Variants in LRCH1 observed in about 807,000 individuals in gnomAD.
LRCH1 encodes the protein leucine-rich repeat and calponin homology domain-containing protein 1.
A neutral mutation model predicts 94.9 loss-of-function variants in LRCH1; 23 were observed. That is an observed-to-expected ratio of 0.24 (90% CI 0.17 to 0.34). The LOEUF (loss-of-function observed/expected upper bound fraction) is 0.34, where lower values mean the gene tolerates loss of function less well. LRCH1 is among the 10% of genes least tolerant of loss of function. LRCH1 has a pLI of 1.00. For synonymous variants in LRCH1, 364 were observed against 354.9 expected (o/e 1.03, Z -0.29); for missense variants, 790 against 945.9 (o/e 0.84, Z 2.16).
intron 1 of LRCH1, among the ~76,000 whole-genome samples, chr13:46,637,070 T>C (rs1445774298): frequency 6.6e-6 from 1 of 152,246 alleles, no homozygotes; most frequent in Non-Finnish European, 1.5e-5. Context: ...ATATCTGCCA[T>C]AGGCTTCCAC....
intron 1 of LRCH1, among the ~76,000 whole-genome samples, chr13:46,606,843 C>T (rs1200730314): frequency 6.6e-6 from 1 of 152,154 alleles, no homozygotes; most frequent in Non-Finnish European, 1.5e-5. Context: ...GCTAGGATTA[C>T]AGGTGTGAGC....
Position 46,743,987 on chromosome 13 carries a change from G to A in LRCH1, c.*2139G>A, listed in dbSNP as rs1272358752. The A allele has an allele frequency of 1.0e-6, 1 of 985,272 alleles. No homozygotes were observed. Among genetic ancestry groups the A allele is most frequent in the Non-Finnish European group, 1.2e-6 (1 of 829,920 alleles). The allele number at this position is 985,272 out of a possible 1,614,324, so 61.0% of individuals were successfully genotyped here. A position where few individuals can be genotyped will look rare whatever the true frequency, so the allele number is the denominator to read the frequency against. On this transcript the variant is annotated 3_prime_UTR_variant, in exon 20 of 20. Coordinates refer to ENST00000389797, the MANE Select transcript of LRCH1 (RefSeq NM_001164211.2). ...CTGCACTTCTTGGGATTTATTGGAT[G>A]ATGTTTTTTCATTAGTAGTATGGTA...
At chr13:46,629,577 T>G (rs1365643140) in intron 1 of LRCH1, among the ~76,000 whole-genome samples, 1 of 152,140 alleles carries the variant, frequency 6.6e-6, no homozygotes, top group Non-Finnish European at 1.5e-5. Context: ...TGATGGGTGC[T>G]CAGTGGAACT....
Position 46,743,718 on chromosome 13 carries a change from T to A in LRCH1, c.*1870T>A. ...CCACTGTGGTGGTTTTTCCCTTCTT[T>A]CTGGGGAGAAAATGGGAAAAAAAAA... On this transcript the variant is annotated 3_prime_UTR_variant, in exon 20 of 20. Coordinates refer to ENST00000389797, the MANE Select transcript of LRCH1 (RefSeq NM_001164211.2). The A allele has an allele frequency of 2.1e-6, 2 of 948,572 alleles. No homozygotes were observed. The highest frequency in any genetic ancestry group is 2.5e-6 in the Non-Finnish European group (2 of 815,332). The allele number at this position is 948,572 out of a possible 1,614,324, so 58.8% of individuals were successfully genotyped here.
chr13:46,601,780 G>C (rs1295180785), intron 1 of LRCH1, among the ~76,000 whole-genome samples: 1 of 152,150 alleles, frequency 6.6e-6, no homozygotes, highest in African/African-American at 2.4e-5. Context: ...TTTTTCGTAG[G>C]GGGTTATGGA....
intron 1 of LRCH1, among the ~76,000 whole-genome samples, chr13:46,602,969 T>TGC (rs10655428): frequency 1.5e-3 from 209 of 140,138 alleles, no homozygotes; most frequent in African/African-American, 4.2e-3. Flanking sequence ...CATGCATACA[T>TGC]ACATGCATGC....
chr13:46,599,425 A>G (rs938407333), intron 1 of LRCH1, among the ~76,000 whole-genome samples: 8 of 152,124 alleles, frequency 5.3e-5, no homozygotes, highest in Non-Finnish European at 1.2e-4. Flanking sequence ...GATCTGCCAT[A>G]ATGTTTTCCA....
intron 1 of LRCH1, among the ~76,000 whole-genome samples, chr13:46,589,527 A>G (rs995346246): frequency 6.7e-6 from 1 of 149,984 alleles, no homozygotes; most frequent in Non-Finnish European, 1.5e-5. Context: ...GTGCTCATGC[A>G]TTGCAATTCA....
At chr13:46,730,161 C>T (rs1873028378) in intron 18 of LRCH1, among the ~76,000 whole-genome samples, 1 of 152,084 alleles carries the variant, frequency 6.6e-6, no homozygotes, top group South Asian at 2.1e-4. Flanking sequence ...TTAGGAGAGG[C>T]AGAAGAATTT....
intron 1 of LRCH1, among the ~76,000 whole-genome samples, chr13:46,573,977 C>T (rs2050273519): frequency 6.7e-6 from 1 of 149,580 alleles, no homozygotes; most frequent in African/African-American, 2.5e-5. Context: ...TCCCAAGTAG[C>T]TGGGATTACA....
At chr13:46,563,717 A>G (rs1443179797) in intron 1 of LRCH1, among the ~76,000 whole-genome samples, 2 of 152,198 alleles carry the variant, frequency 1.3e-5, no homozygotes, top group Non-Finnish European at 1.5e-5. Context: ...ACTCCAAGCA[A>G]TGCCTTTCTA....
At chr13:46,573,866 A>ATATATATATATATATATATATTTATTT in intron 1 of LRCH1, among the ~76,000 whole-genome samples, 2 of 63,420 alleles carry the variant, frequency 3.2e-5, no homozygotes, top group African/African-American at 1.0e-4. Context: ...ATATATATAT[A>ATATATATATATATATATATATTTATTT]TTTTTTTTTT....
intron 1 of LRCH1, among the ~76,000 whole-genome samples, chr13:46,587,992 A>G (rs2050453850): frequency 6.6e-6 from 1 of 152,218 alleles, no homozygotes; most frequent in Admixed American, 6.5e-5. Context: ...TTATGGGAAT[A>G]TTTAAATATA....
intron 1 of LRCH1, among the ~76,000 whole-genome samples, chr13:46,561,690 C>T (rs1460295543): frequency 6.6e-6 from 1 of 152,198 alleles, no homozygotes; most frequent in East Asian, 1.9e-4. Flanking sequence ...AAAGACAGCA[C>T]CATCAACACA....
At chr13:46,626,308 C>T (rs1055462672) in intron 1 of LRCH1, among the ~76,000 whole-genome samples, 3 of 152,162 alleles carry the variant, frequency 2.0e-5, no homozygotes, top group Non-Finnish European at 4.4e-5. Context: ...GCCAAGCCAT[C>T]ACATCCCCTG....
intron 13 of LRCH1, among the ~76,000 whole-genome samples, chr13:46,707,177 T>C (rs1871807294): frequency 6.6e-6 from 1 of 152,244 alleles, no homozygotes; most frequent in African/African-American, 2.4e-5. Context: ...GTCAGGTATC[T>C]ATAACCTTCT....
chr13:46,601,426 G>T (rs2050627593), intron 1 of LRCH1, among the ~76,000 whole-genome samples: 1 of 152,174 alleles, frequency 6.6e-6, no homozygotes, highest in Admixed American at 6.5e-5. Flanking sequence ...ATGAAGGAAA[G>T]ATAAGATTAT....
At chr13:46,623,999 TC>T (rs1465409476) in intron 1 of LRCH1, among the ~76,000 whole-genome samples, 1 of 151,996 alleles carries the variant, frequency 6.6e-6, no homozygotes, top group East Asian at 1.9e-4. Context: ...TCCTCCCGCC[TC>T]AGCCTCCTGA....
At chr13:46,666,768 C>A (rs1434608789) in intron 2 of LRCH1, among the ~76,000 whole-genome samples, 3 of 152,032 alleles carry the variant, frequency 2.0e-5, no homozygotes, top group African/African-American at 7.3e-5. Context: ...AAACTGAGTT[C>A]TCTTTTCTGA....
Sources: gnomAD v4.1 joint callset for allele counts (sites outside exome capture counted in the v4.1 genomes callset) on GRCh38, gnomAD v4.1.1 for gene constraint, MANE v1.5 for transcripts, NCBI Gene and HGNC (gene_info 2026-07-23, HGNC 2026-07-21) for gene names.